Variants in MRPS2 observed in about 807,000 individuals in gnomAD.
MRPS2 encodes mitochondrial ribosomal protein S2, also known as small ribosomal subunit protein uS2m.
A neutral mutation model predicts 18.9 loss-of-function variants in MRPS2; 13 were observed. The ratio of observed to expected loss-of-function variants is 0.69; its 90% CI spans 0.45 to 1.09. MRPS2 has a LOEUF of 1.09. Among genes scored for constraint, MRPS2 ranks in the 50% least tolerant of loss-of-function variants. MRPS2 has a pLI of 0.00. For missense variants in MRPS2, 389 were observed against 421.7 expected, an observed-to-expected ratio of 0.92 and a Z score of 0.68; for synonymous variants, 186 against 178.4, an observed-to-expected ratio of 1.04 and a Z score of -0.34.
rs1831232988 is a variant in MRPS2, at chr9:135,504,172, G to A, written c.*39G>A. 6.6e-7 allele frequency: 1 copy of A among 1,511,302 alleles called. No individual in the cohort carries two copies. The highest frequency in any genetic ancestry group is 1.4e-5 in the African/African-American group (1 of 72,302). The allele number at this position is 1,511,302 out of a possible 1,614,324, so 93.6% of individuals were successfully genotyped here. A position where few individuals can be genotyped will look rare whatever the true frequency, so the allele number is the denominator to read the frequency against. On this transcript the variant is annotated 3_prime_UTR_variant, in exon 4 of 4. Coordinates refer to ENST00000241600, the MANE Select transcript of MRPS2 (RefSeq NM_016034.5). This position sits in a 1 kb window ranked among gnomAD's most constrained non-coding sequence, Gnocchi z 4.3. ...CCCAAAGCAAACCACAGCCAAGCCT[G>A]TCTGAGCTGGGAGTCCCCTTCCCCA...
At position 135,504,240 on chromosome 9, in the gene MRPS2, C is replaced by G; in HGVS notation, c.*107C>G. The G allele has an allele frequency of 1.9e-6, 2 of 1,051,782 alleles. No homozygotes were observed. Among genetic ancestry groups the G allele is most frequent in the Non-Finnish European group, 2.7e-6 (2 of 746,502 alleles). The allele number at this position is 1,051,782 out of a possible 1,614,324, so 65.2% of individuals were successfully genotyped here. On this transcript the variant is annotated 3_prime_UTR_variant, in exon 4 of 4. Transcript: ENST00000241600. The surrounding 1 kb of genome is among the most constrained non-coding windows in gnomAD (Gnocchi z 4.3). Reference sequence around the variant, plus strand: ...TCCTCAGTCGTTGTTACTTACTCAGCTGATGTCACAGTGCAGACATCCACC... The same window carrying G: ...TCCTCAGTCGTTGTTACTTACTCAGGTGATGTCACAGTGCAGACATCCACC...
At chr9:135,502,885 T>C (rs1024056132) in intron 3 of MRPS2, among the ~76,000 whole-genome samples, 2 of 152,118 alleles carry the variant, frequency 1.3e-5, no homozygotes, top group African/African-American at 4.8e-5. Flanking sequence ...CTTGGCAAGA[T>C]GGAGGTCGCC....
In MRPS2 at chr9:135,500,769, C is replaced by A; in HGVS notation, c.43+16C>A. 1 of 1,474,786 alleles carries A rather than the reference C, an allele frequency of 6.8e-7. No homozygotes were observed. The highest frequency in any genetic ancestry group is 1.4e-5 in the South Asian group (1 of 72,792). 91.4% of individuals were successfully genotyped at this position (1,474,786 alleles called of 1,614,324 possible). Reference sequence around the variant, plus strand: ...CTCGGCGCGGGTGAGCGCGCGCTTGCGGGACCCTGGGGAGGAGCATGCGAG... The same window carrying A: ...CTCGGCGCGGGTGAGCGCGCGCTTGAGGGACCCTGGGGAGGAGCATGCGAG... On this transcript the variant is annotated intron_variant, in intron 1 of 3. Transcript: ENST00000241600.
intron 3 of MRPS2, 28 bp downstream of exon 3, chr9:135,502,001 G>T (rs372120318): frequency 2.2e-5 from 36 of 1,612,600 alleles, no homozygotes; most frequent in Admixed American, 2.0e-4. Flanking sequence ...CTGAGCCCGG[G>T]GCGGTTCCCA....
At chr9:135,502,323 G>A (rs1168876171) in intron 3 of MRPS2, 1 of 1,049,366 alleles carries the variant, frequency 9.5e-7, no homozygotes, top group Non-Finnish European at 1.2e-6. Flanking sequence ...GGAATGACTG[G>A]TCCTGTATTC....
chr9:135,503,273 T>G, intron 3 of MRPS2: 3 of 1,324,044 alleles, frequency 2.3e-6, no homozygotes, highest in Non-Finnish European at 1.9e-6. Context: ...CACACATCCA[T>G]ATGGGGTCAG....
chr9:135,503,566 G>A lies in MRPS2; in HGVS notation c.324G>A (p.Gly108=), dbSNP rs763738318. The part of the protein sequence containing the change: ...RHRFMEPYIF[G]SRLDHDIIDL... ...GGTTTATGGAGCCGTACATCTTTGG[G>A]AGCCGCCTGGACCACGACATCATCG... is the stretch of plus-strand genomic sequence containing the variant. Residue 108 remains glycine (G), a synonymous_variant, in exon 4 of 4, where the codon GGG becomes GGA. Transcript: ENST00000241600. 1.2e-6 allele frequency: 2 copies of A among 1,613,454 alleles called. No individual in the cohort carries two copies. Among genetic ancestry groups the A allele is most frequent in the East Asian group, 4.5e-5 (2 of 44,870 alleles).
intron 3 of MRPS2, among the ~76,000 whole-genome samples, chr9:135,502,817 G>A (rs890077834): frequency 3.3e-5 from 5 of 152,178 alleles, no homozygotes; most frequent in Admixed American, 2.6e-4. Context: ...GACAGCCGGG[G>A]GTAGGGGAGA....
In MRPS2 at chr9:135,501,839, C is replaced by T. The variant is rs750184633; in HGVS notation, c.170-5C>T. 8 of 1,613,254 alleles carry T rather than the reference C, an allele frequency of 5.0e-6. No homozygotes were observed. The highest frequency in any genetic ancestry group is 6.8e-6 in the Non-Finnish European group (8 of 1,179,774). On this transcript the variant is annotated splice_region_variant and splice_polypyrimidine_tract_variant and intron_variant, in intron 2 of 3. Coordinates refer to ENST00000241600, the MANE Select transcript of MRPS2 (RefSeq NM_016034.5). ...ACGCAGCGTCGCTCCTCCTCCCTGC[C>T]GTAGATTTCAACGACAAGATTTTGA...
intron 2 of MRPS2, chr9:135,501,571 T>G: frequency 9.1e-7 from 1 of 1,100,434 alleles, no homozygotes; most frequent in Non-Finnish European, 1.2e-6. Flanking sequence ...TCTCTTTTTC[T>G]CCTCTGTCTT....
At position 135,500,983 on chromosome 9, in the gene MRPS2, T is replaced by C. The variant is rs1453218103; in HGVS notation, c.44-15T>C. 1 of 1,610,994 alleles carries C rather than the reference T, an allele frequency of 6.2e-7. No homozygotes were observed. The highest frequency in any genetic ancestry group is 8.5e-7 in the Non-Finnish European group (1 of 1,179,288). On this transcript the variant is annotated splice_polypyrimidine_tract_variant and intron_variant, in intron 1 of 3. Coordinates refer to ENST00000241600, the MANE Select transcript of MRPS2 (RefSeq NM_016034.5). Reference sequence around the variant, plus strand: ...TCGGGACTCGGCGCCAGGACCTCTATCTACTTCCCCCCAGGTGCCCGGGCC... The same window carrying C: ...TCGGGACTCGGCGCCAGGACCTCTACCTACTTCCCCCCAGGTGCCCGGGCC...
At position 135,503,869 on chromosome 9, in the gene MRPS2, G is replaced by T. The variant is rs144088627; in HGVS notation, c.627G>T (p.Val209=). The T allele has an allele frequency of 2.4e-5, 38 of 1,613,880 alleles. No homozygotes were observed. In the African/African-American group the frequency reaches 4.4e-4, roughly 19 times the overall value. The change falls in exon 4 of 4, where the codon GTG becomes GTT. Residue 209 remains valine (V), a synonymous_variant. Coordinates refer to ENST00000241600, the MANE Select transcript of MRPS2 (RefSeq NM_016034.5). ...ACATCTTTGAGCCACACGTGGCCGT[G>T]AGAGACGCAGCCAAGATGAACATCC... is the stretch of plus-strand genomic sequence containing the variant. ...LNNIFEPHVA[V]RDAAKMNIPT... is the part of the protein sequence containing the mutation.
In MRPS2 at chr9:135,501,858, A is replaced by C; in HGVS notation, c.184A>C (p.Ile62Leu). 4.3e-6 allele frequency: 7 copies of C among 1,613,606 alleles called. No individual in the cohort carries two copies. Among genetic ancestry groups the C allele is most frequent in the Non-Finnish European group, 5.9e-6 (7 of 1,179,930 alleles). The change falls in exon 3 of 4, where the codon ATT becomes CTT. Residue 62 changes from isoleucine to leucine, a missense_variant. Transcript: ENST00000241600. The part of the protein sequence containing the change: ...SEDSTDFNDK[I>L]LNEPLKHSDF... Reference sequence around the variant, plus strand: ...CCCTGCCGTAGATTTCAACGACAAGATTTTGAATGAGCCCCTCAAGCACTC... The same window carrying C: ...CCCTGCCGTAGATTTCAACGACAAGCTTTTGAATGAGCCCCTCAAGCACTC...
upstream of MRPS2, chr9:135,500,463 G>A (rs1324789699): frequency 6.6e-6 from 3 of 453,230 alleles, no homozygotes; most frequent in African/African-American, 2.1e-5. Context: ...GGTCCCATTA[G>A]CAGGGCGGGG....
At chr9:135,503,392 C>T (rs1421421043) in intron 3 of MRPS2, 150 bp from the exon 4 acceptor site, 13 of 1,393,326 alleles carry the variant, frequency 9.3e-6, no homozygotes, top group African/African-American at 4.4e-5. Flanking sequence ...TCCATGCACA[C>T]GGGGAGCGTT....
upstream of MRPS2, chr9:135,500,080 C>A: frequency 3.8e-6 from 2 of 530,034 alleles, no homozygotes. Flanking sequence ...CCCCCAGCCA[C>A]CCGCGGGGGG....
chr9:135,504,309 G>C lies in MRPS2; in HGVS notation c.*176G>C. 1 of 649,502 alleles carries C rather than the reference G, an allele frequency of 1.5e-6. No homozygotes were observed. The allele number at this position is 649,502 out of a possible 1,614,324, so 40.2% of individuals were successfully genotyped here. A position where few individuals can be genotyped will look rare whatever the true frequency, so the allele number is the denominator to read the frequency against. ...TGGCTGAGCGGACCAACGTTGCCAT[G>C]TGCGTTTGCTCTGTGGGGAACAGAG... On this transcript the variant is annotated 3_prime_UTR_variant, in exon 4 of 4. Coordinates refer to ENST00000241600, the MANE Select transcript of MRPS2 (RefSeq NM_016034.5). The surrounding 1 kb of genome is among the most constrained non-coding windows in gnomAD (Gnocchi z 4.3).
chr9:135,501,438 C>A, intron 2 of MRPS2: 2 of 1,046,556 alleles, frequency 1.9e-6, no homozygotes, highest in Non-Finnish European at 2.5e-6. Flanking sequence ...CCCAAGTGAC[C>A]TGGGGGCACT....
intron 3 of MRPS2, chr9:135,502,368 GATGGGA>G: frequency 4.1e-6 from 1 of 243,718 alleles, no homozygotes; most frequent in Non-Finnish European, 7.1e-6. Context: ...GGGGGGAGGG[GATGGGA>G]GGGGCAGGTG....
Sources: allele counts gnomAD v4.1 joint callset (sites outside exome capture counted in the v4.1 genomes callset), GRCh38; gene constraint gnomAD v4.1.1; non-coding constraint Gnocchi (gnomAD v3.1); transcripts MANE v1.5; gene names NCBI Gene and HGNC (gene_info 2026-07-23, HGNC 2026-07-21).